Variants in CSMD1 observed in about 807,000 individuals in gnomAD.
CSMD1 encodes CUB and Sushi multiple domains 1, also known as CUB and sushi domain-containing protein 1.
A neutral mutation model predicts 417.5 loss-of-function variants in CSMD1; 213 were observed. The observed-to-expected ratio is 0.51, with a 90% confidence interval of 0.46 to 0.57. CSMD1 has a LOEUF of 0.57. Ranked by LOEUF, CSMD1 falls within the 20% of genes least tolerant of loss-of-function variation. The pLI, the probability that CSMD1 is intolerant of heterozygous loss-of-function variation, is 0.00. For synonymous variants in CSMD1, 2,862 were observed against 1,736.8 expected, an observed-to-expected ratio of 1.65 and a Z score of -16.11; for missense variants, 6,923 against 4,529.7, an observed-to-expected ratio of 1.53 and a Z score of -15.17.
rs1410285621 is a variant in CSMD1 at position 3,402,736 on chromosome 8, AAC to A, written c.2267-3209_2267-3208del. Among the ~76,000 whole-genome samples the A allele has an allele frequency of 4.6e-5, 7 of 152,266 alleles. No individual in the cohort carries two copies. In the East Asian group the frequency reaches 7.7e-4, roughly 17 times the overall value. On this transcript the variant is annotated intron_variant, in intron 15 of 69. Transcript: ENST00000635120. The stretch of plus-strand genomic sequence containing the variant: ...CCTAGTTCTTTTTATCAGAATCATA[AAC>A]AGTTTGTCTATTTTATTGATATTAA...
intron 2 of CSMD1, among the ~76,000 whole-genome samples, chr8:4,447,218 G>A (rs1368486005): frequency 1.3e-5 from 2 of 152,168 alleles, no homozygotes; most frequent in East Asian, 1.9e-4. Flanking sequence ...AAATATACAT[G>A]ACAAAGTTCT....
intron 1 of CSMD1, among the ~76,000 whole-genome samples, chr8:4,794,857 G>T (rs1257338753): frequency 1.3e-5 from 2 of 152,146 alleles, no homozygotes; most frequent in African/African-American, 4.8e-5. Context: ...GACAAGAACT[G>T]GAGTCAGGTG....
intron 1 of CSMD1, among the ~76,000 whole-genome samples, chr8:4,780,627 G>T (rs933888894): frequency 6.6e-6 from 1 of 152,100 alleles, no homozygotes; most frequent in African/African-American, 2.4e-5. Flanking sequence ...ACATGAACAA[G>T]TTATTTAGTA....
intron 10 of CSMD1, among the ~76,000 whole-genome samples, chr8:3,558,253 A>C (rs1799256867): frequency 6.7e-6 from 1 of 149,332 alleles, no homozygotes; most frequent in Non-Finnish European, 1.5e-5. Flanking sequence ...CCTCAATAGT[A>C]CCCTGTGTCC....
intron 1 of CSMD1, among the ~76,000 whole-genome samples, chr8:4,813,429 G>A (rs1279309529): frequency 6.6e-6 from 1 of 152,088 alleles, no homozygotes; most frequent in Non-Finnish European, 1.5e-5. Context: ...CTACCAGTCT[G>A]CCTTGTTTTC....
chr8:2,972,680 A>G (rs528952341), intron 57 of CSMD1, among the ~76,000 whole-genome samples: 1 of 152,328 alleles, frequency 6.6e-6, no homozygotes, highest in Admixed American at 6.5e-5. Context: ...CCTGTGAAAT[A>G]GAGTGCTCCA....
At chr8:4,673,270 T>A (rs1010926874) in intron 1 of CSMD1, among the ~76,000 whole-genome samples, 4 of 152,214 alleles carry the variant, frequency 2.6e-5, no homozygotes, top group African/African-American at 9.6e-5. Flanking sequence ...TGAATTCTCA[T>A]GAAAAAGTCA....
chr8:4,847,926 C>A (rs1294749352), intron 1 of CSMD1, among the ~76,000 whole-genome samples: 1 of 152,102 alleles, frequency 6.6e-6, no homozygotes, highest in Admixed American at 6.5e-5. Context: ...CAAAATGAAA[C>A]CCTGTACCCT....
At chr8:4,641,181 G>A (rs981909734) in intron 1 of CSMD1, among the ~76,000 whole-genome samples, 3 of 151,602 alleles carry the variant, frequency 2.0e-5, no homozygotes, top group African/African-American at 4.8e-5. Flanking sequence ...ATGCAACATT[G>A]TGCATACAGA....
intron 3 of CSMD1, among the ~76,000 whole-genome samples, chr8:4,219,098 C>A (rs746459066): frequency 6.6e-6 from 1 of 152,128 alleles, no homozygotes; most frequent in East Asian, 1.9e-4. Flanking sequence ...TCCTCTAACA[C>A]CCAGGGTAAA....
At chr8:3,644,039 A>C (rs1797448943) in intron 7 of CSMD1, among the ~76,000 whole-genome samples, 1 of 152,208 alleles carries the variant, frequency 6.6e-6, no homozygotes, top group African/African-American at 2.4e-5. Flanking sequence ...TTTGAAACAC[A>C]AGGAATCAAA....
rs78238892 is a variant in CSMD1 at position 3,873,634 on chromosome 8, T to C, written c.819-119592A>G. Among the ~76,000 whole-genome samples, 321 of 152,134 alleles carry C rather than the reference T, an allele frequency of 2.1e-3. 2 individuals are homozygous for C. Among genetic ancestry groups the C allele is most frequent in the African/African-American group, 7.5e-3 (312 of 41,486 alleles). ...CATAATACCTGAGTGGTGAAATAAT[T>C]TGCATATCAAACCCCCATGACACTA... is the stretch of plus-strand genomic sequence containing the variant. On this transcript the variant is annotated intron_variant, in intron 5 of 69. Coordinates refer to ENST00000635120, the MANE Select transcript of CSMD1 (RefSeq NM_033225.6).
intron 5 of CSMD1, among the ~76,000 whole-genome samples, chr8:3,824,250 AC>A (rs1801916077): frequency 6.7e-6 from 1 of 149,896 alleles, no homozygotes; most frequent in African/African-American, 2.5e-5. Context: ...AAAAACAAAA[AC>A]CAAAAAAAAA....
At chr8:3,537,300 G>A (rs552759909) in intron 10 of CSMD1, among the ~76,000 whole-genome samples, 3 of 152,188 alleles carry the variant, frequency 2.0e-5, no homozygotes, top group Non-Finnish European at 4.4e-5. Flanking sequence ...ATCATGCCCG[G>A]CCCGCAAACT....
At chr8:4,317,228 G>C (rs960803472) in intron 3 of CSMD1, among the ~76,000 whole-genome samples, 1 of 151,760 alleles carries the variant, frequency 6.6e-6, no homozygotes, top group Non-Finnish European at 1.5e-5. Flanking sequence ...AATCTGGTAA[G>C]GTAGGCAGGG....
rs1019281046 is a variant in CSMD1 at position 4,469,868 on chromosome 8, C to T, written c.303-49803G>A. Among the ~76,000 whole-genome samples the T allele has an allele frequency of 1.2e-4, 17 of 144,880 alleles. No homozygotes were observed. The South Asian group carries it at 3.8e-3, about 32-fold the overall frequency. On this transcript the variant is annotated intron_variant, in intron 2 of 69. Coordinates refer to ENST00000635120, the MANE Select transcript of CSMD1 (RefSeq NM_033225.6). The stretch of plus-strand genomic sequence containing the variant: ...CTACGTGATCTGGCCTTTGGTTTTC[C>T]TTTTTTTTTTTTTATTTGAGACGGA...
At chr8:3,945,298 G>C (rs576285484) in intron 5 of CSMD1, among the ~76,000 whole-genome samples, 4 of 151,678 alleles carry the variant, frequency 2.6e-5, no homozygotes, top group East Asian at 1.9e-4. Context: ...ATAATCACTA[G>C]TTTAATAAGA....
At chr8:3,499,729 T>C (rs1286201219) in intron 10 of CSMD1, among the ~76,000 whole-genome samples, 4 of 152,032 alleles carry the variant, frequency 2.6e-5, no homozygotes, top group Admixed American at 2.0e-4. Flanking sequence ...TTCAGGTTTG[T>C]GTCACTGAGT....
chr8:3,194,284 A>T (rs1349352610), intron 33 of CSMD1, among the ~76,000 whole-genome samples: 5 of 152,156 alleles, frequency 3.3e-5, no homozygotes, highest in Non-Finnish European at 7.3e-5. Flanking sequence ...CAAAACATGT[A>T]TTTGCCTGCC....
Sources: allele counts gnomAD v4.1 joint callset (sites outside exome capture counted in the v4.1 genomes callset), GRCh38; gene constraint gnomAD v4.1.1; transcripts MANE v1.5; gene names NCBI Gene and HGNC (gene_info 2026-07-23, HGNC 2026-07-21).